The following DPP6 variants were observed in gnomAD, a reference collection of about 807,000 sequenced individuals.
DPP6 encodes dipeptidyl peptidase like 6.
In DPP6, 69 loss-of-function variants were observed where a neutral mutation model predicts 122.6. The observed-to-expected ratio is 0.56, with a 90% CI of 0.46 to 0.69. The LOEUF (loss-of-function observed/expected upper bound fraction) is 0.69, where lower values mean the gene tolerates loss of function less well. Ranked by LOEUF, DPP6 falls within the 30% of genes least tolerant of loss-of-function variation. The pLI, the probability that DPP6 is intolerant of heterozygous loss-of-function variation, is 0.00. For synonymous variants in DPP6, 418 were observed against 433.1 expected (o/e 0.97, Z 0.43); for missense variants, 928 against 1,116.9 (o/e 0.83, Z 2.41).
intron 1 of DPP6, among the ~76,000 whole-genome samples, chr7:154,380,336 A>G (rs1020478926): frequency 5.3e-5 from 8 of 151,856 alleles, no homozygotes; most frequent in Admixed American, 5.2e-4. Context: ...GCTTAGCAAA[A>G]AGAGTGTGTG....
rs145932946 is a variant in DPP6 at position 154,295,370 on chromosome 7, T to C, written c.244-150844T>C. On this transcript the variant is annotated intron_variant, in intron 1 of 25. Transcript: ENST00000377770. ...CCAAGCTATCCATCAAACCACTATC[T>C]GTGTGACCTTCGACAACTTATCCAT... Among the ~76,000 whole-genome samples, 3 of 152,326 alleles carry C rather than the reference T, an allele frequency of 2.0e-5. No individual in the cohort carries two copies. The East Asian group carries it at 5.8e-4, about 29-fold the overall frequency.
intron 6 of DPP6, among the ~76,000 whole-genome samples, chr7:154,661,760 G>GAATCAGCATGGCATA (rs1837684345): frequency 2.4e-5 from 2 of 82,004 alleles, no homozygotes; most frequent in African/African-American, 8.9e-5. Context: ...ACCATGGCGT[G>GAATCAGCATGGCATA]TTGGCCCTAG....
At chr7:154,254,402 G>T (rs776654578) in intron 1 of DPP6, among the ~76,000 whole-genome samples, 9 of 152,120 alleles carry the variant, frequency 5.9e-5, no homozygotes, top group Non-Finnish European at 1.2e-4. Flanking sequence ...TTTATTTATA[G>T]ATTTAGTTTG....
chr7:154,429,553 C>G (rs1440066134), intron 1 of DPP6, among the ~76,000 whole-genome samples: 2 of 152,334 alleles, frequency 1.3e-5, no homozygotes, highest in Middle Eastern at 3.4e-3. Context: ...GTAACACACT[C>G]AAGAGGCTTC....
chr7:153,805,839 C>G, the DPP6 span, among the ~76,000 whole-genome samples: 2 of 151,794 alleles, frequency 1.3e-5, no homozygotes, highest in African/African-American at 4.9e-5. Flanking sequence ...ACATCACACA[C>G]TGGGGCCTGT....
At chr7:153,870,634 C>G in the DPP6 span, among the ~76,000 whole-genome samples, 1 of 152,194 alleles carries the variant, frequency 6.6e-6, no homozygotes, top group Non-Finnish European at 1.5e-5. Flanking sequence ...TCTTCTGAAG[C>G]CTTCTTCTCT....
At chr7:154,544,591 G>A (rs73163082) in intron 4 of DPP6, among the ~76,000 whole-genome samples, 8,438 of 152,228 alleles carry the variant, frequency 0.055, 308 homozygotes, top group Middle Eastern at 0.088. Flanking sequence ...CAGGTGTGGA[G>A]GGGCATTCAG....
At position 154,863,971 on chromosome 7, in the gene DPP6, G is replaced by T. The variant is rs1308093043; in HGVS notation, c.1715-4024G>T. 6.6e-6 allele frequency among the ~76,000 whole-genome samples: 1 copy of T among 152,102 alleles called. No homozygotes were observed. Among genetic ancestry groups the T allele is most frequent in the South Asian group, 2.1e-4 (1 of 4,826 alleles). On this transcript the variant is annotated intron_variant, in intron 17 of 25. Coordinates refer to ENST00000377770, the MANE Select transcript of DPP6 (RefSeq NM_130797.4). This position sits in a 1 kb window ranked among gnomAD's most constrained non-coding sequence, Gnocchi z 4.1. Reference sequence around the variant, plus strand: ...AGCTGCAAGAGCACAGGGAGGGGGCGAGGTGGGGCAGAGAGGGGTCCTACT... The same window carrying T: ...AGCTGCAAGAGCACAGGGAGGGGGCTAGGTGGGGCAGAGAGGGGTCCTACT...
chr7:153,974,253 G>A (rs1238278561), intron 1 of DPP6, among the ~76,000 whole-genome samples: 2 of 152,168 alleles, frequency 1.3e-5, no homozygotes, highest in South Asian at 4.2e-4. Flanking sequence ...CTTATAGACA[G>A]TGGGCTCATT....
intron 1 of DPP6, among the ~76,000 whole-genome samples, chr7:154,233,082 G>A (rs1563346213): frequency 6.6e-6 from 1 of 152,208 alleles, no homozygotes; most frequent in Non-Finnish European, 1.5e-5. Flanking sequence ...AAATGAAACT[G>A]TTGACTCTAA....
intron 3 of DPP6, among the ~76,000 whole-genome samples, chr7:154,498,482 C>A (rs1824946342): frequency 6.6e-6 from 1 of 152,114 alleles, no homozygotes. Flanking sequence ...GGACTACAGG[C>A]ACATGCCACC....
chr7:154,835,267 G>T (rs1314886587), intron 16 of DPP6, among the ~76,000 whole-genome samples: 4 of 152,176 alleles, frequency 2.6e-5, no homozygotes, highest in African/African-American at 7.2e-5. Context: ...AGACGCTGCT[G>T]TGCGACGTCA....
chr7:154,552,377 A>G (rs941408155), intron 4 of DPP6, among the ~76,000 whole-genome samples: 12 of 152,296 alleles, frequency 7.9e-5, no homozygotes, highest in African/African-American at 2.6e-4. Context: ...TAAGAGGGAT[A>G]CTCGTTCTGA....
chr7:154,147,493 T>TTCCTTCCTTCCTTC (rs1563247597), intron 1 of DPP6, among the ~76,000 whole-genome samples: 10 of 142,548 alleles, frequency 7.0e-5, no homozygotes, highest in African/African-American at 2.5e-4. Flanking sequence ...TTCCTTCCTT[T>TTCCTTCCTTCCTTC]CTTTTTCTGT....
chr7:154,576,792 A>G (rs1238237080), intron 5 of DPP6, among the ~76,000 whole-genome samples: 1 of 152,212 alleles, frequency 6.6e-6, no homozygotes. Context: ...AGACCCTGGT[A>G]GGTGTCCCCT....
At chr7:154,107,862 A>G (rs904095121) in intron 1 of DPP6, among the ~76,000 whole-genome samples, 3 of 152,156 alleles carry the variant, frequency 2.0e-5, no homozygotes, top group Non-Finnish European at 2.9e-5. Context: ...GCCTGGTGAC[A>G]TCTCAGACTC....
chr7:154,492,074 C>A (rs1403134712), intron 3 of DPP6, among the ~76,000 whole-genome samples: 1 of 152,170 alleles, frequency 6.6e-6, no homozygotes, highest in Non-Finnish European at 1.5e-5. Flanking sequence ...GATAAAAGTG[C>A]TGCTAGGTGC....
At chr7:154,711,943 C>CACACACACACA (rs1554443032) in intron 7 of DPP6, among the ~76,000 whole-genome samples, 6 of 48,674 alleles carry the variant, frequency 1.2e-4, no homozygotes, top group African/African-American at 2.3e-4. Context: ...ACTTAATACA[C>CACACACACACA]ACACACACAC....
chr7:154,309,784 G>T (rs940503575), intron 1 of DPP6, among the ~76,000 whole-genome samples: 1 of 152,190 alleles, frequency 6.6e-6, no homozygotes, highest in Admixed American at 6.5e-5. Context: ...AACTATTGAG[G>T]AGTCCCAATA....
Sources: allele counts gnomAD v4.1 joint callset (sites outside exome capture counted in the v4.1 genomes callset), GRCh38; gene constraint gnomAD v4.1.1; non-coding constraint Gnocchi (gnomAD v3.1); transcripts MANE v1.5; gene names NCBI Gene and HGNC (gene_info 2026-07-23, HGNC 2026-07-21).